Variants in KIF26B observed in about 807,000 individuals in gnomAD.
The protein encoded by KIF26B is kinesin-like protein KIF26B.
Under a neutral mutation model 151.2 loss-of-function variants are expected in KIF26B, and 63 were observed. The observed-to-expected ratio is 0.42, with a 90% CI of 0.34 to 0.51. The LOEUF is 0.51. KIF26B is among the 20% of genes least tolerant of loss of function. The pLI is 0.07. For synonymous variants in KIF26B, 1,357 were observed against 1,262.1 expected, an observed-to-expected ratio of 1.08 and a Z score of -1.59; for missense variants, 2,813 against 2,913.6, an observed-to-expected ratio of 0.97 and a Z score of 0.79.
At chr1:245,485,385 A>ATTTT (rs10672221) in intron 4 of KIF26B, among the ~76,000 whole-genome samples, 12 of 142,654 alleles carry the variant, frequency 8.4e-5, no homozygotes, top group Non-Finnish European at 1.2e-4. Flanking sequence ...TCCTAGCATC[A>ATTTT]TTTTTTTTTT....
intron 5 of KIF26B, among the ~76,000 whole-genome samples, chr1:245,547,884 C>A (rs561694816): frequency 2.0e-5 from 3 of 152,266 alleles, no homozygotes; most frequent in Middle Eastern, 3.4e-3. Flanking sequence ...TCCTGTAGCC[C>A]AGAGTCTCCT....
chr1:245,390,943 A>AAAAAAAAAAAAAAAAAACAAAACAAAAC (rs1553270131), intron 3 of KIF26B, among the ~76,000 whole-genome samples: 11 of 118,452 alleles, frequency 9.3e-5, no homozygotes, highest in African/African-American at 3.3e-4. Flanking sequence ...AAAAAAAAAA[A>AAAAAAAAAAAAAAAAAACAAAACAAAAC]AAAAAAAAAC....
chr1:245,337,437 C>T (rs1426287954), intron 2 of KIF26B, among the ~76,000 whole-genome samples: 1 of 151,968 alleles, frequency 6.6e-6, no homozygotes, highest in Non-Finnish European at 1.5e-5. Context: ...CCACCTCGGC[C>T]TCCCAAAGTG....
intron 2 of KIF26B, among the ~76,000 whole-genome samples, chr1:245,325,112 GA>G (rs1188471553): frequency 9.0e-4 from 111 of 123,060 alleles, no homozygotes; most frequent in Middle Eastern, 4.2e-3. Context: ...AAAAAAAAAA[GA>G]AAAAAAGAAA....
chr1:245,366,807 C>T (rs201989695), intron 2 of KIF26B, 27 bp from the exon 3 acceptor site: 1 of 1,606,676 alleles, frequency 6.2e-7, no homozygotes, highest in Non-Finnish European at 8.5e-7. Flanking sequence ...ATAGAATCTC[C>T]TCTCCCTCTG....
chr1:245,195,800 A>C (rs1669181964), intron 2 of KIF26B, among the ~76,000 whole-genome samples: 3 of 152,256 alleles, frequency 2.0e-5, no homozygotes, highest in Non-Finnish European at 1.5e-5. Flanking sequence ...TACAGCACAC[A>C]GTACCTCTGA....
chr1:245,662,516 T>C (rs935999751), intron 10 of KIF26B, among the ~76,000 whole-genome samples: 9 of 148,252 alleles, frequency 6.1e-5, no homozygotes. Flanking sequence ...CAATGATATA[T>C]ATACACACAC....
At chr1:245,156,246 C>A in intron 1 of KIF26B, 36 bp from the exon 2 acceptor site, 1 of 1,538,116 alleles carries the variant, frequency 6.5e-7, no homozygotes, top group South Asian at 1.2e-5. Flanking sequence ...AGCCCGCCGC[C>A]TTGCAGCCCC....
chr1:245,663,152 C>G (rs888045569), intron 10 of KIF26B, among the ~76,000 whole-genome samples: 1 of 151,938 alleles, frequency 6.6e-6, no homozygotes, highest in African/African-American at 2.4e-5. Flanking sequence ...GGTCCCCTGT[C>G]GTGTTTGGGG....
At chr1:245,301,351 A>G (rs1433481039) in intron 2 of KIF26B, among the ~76,000 whole-genome samples, 2 of 152,136 alleles carry the variant, frequency 1.3e-5, no homozygotes, top group Non-Finnish European at 2.9e-5. Context: ...TTTCTGTCCA[A>G]CTTTCATTTC....
chr1:245,642,486 A>G (rs76862439), intron 9 of KIF26B, among the ~76,000 whole-genome samples: 10,547 of 146,762 alleles, frequency 0.072, 396 homozygotes, highest in South Asian at 0.14. Flanking sequence ...GCATGAACCC[A>G]GGAGGCAGAG....
At chr1:245,652,893 C>A (rs555205691) in intron 10 of KIF26B, among the ~76,000 whole-genome samples, 1 of 152,178 alleles carries the variant, frequency 6.6e-6, no homozygotes, top group Non-Finnish European at 1.5e-5. Context: ...CGTAATGGCA[C>A]ATGATGGTCT....
rs1427387730 is a variant in KIF26B, at chr1:245,532,448, T to C, written c.1167-8319T>C. ...TTTTGGTAGAGACGGGGTTTCATCG[T>C]GTTAGCCAGGATGGTCTCGATCTCC... is the stretch of plus-strand genomic sequence containing the variant. On this transcript the variant is annotated intron_variant, in intron 4 of 14. Transcript: ENST00000407071. Among the ~76,000 whole-genome samples the C allele has an allele frequency of 2.0e-5, 3 of 152,038 alleles. No homozygotes were observed. In the East Asian group the frequency reaches 5.8e-4, roughly 30 times the overall value.
chr1:245,190,916 C>T (rs6428900), intron 2 of KIF26B, among the ~76,000 whole-genome samples: 24,753 of 149,864 alleles, frequency 0.17, 2,469 homozygotes, highest in African/African-American at 0.28. Context: ...AAAAATTAGC[C>T]GGTGTGGTGG....
At chr1:245,539,909 T>C (rs1026170754) in intron 4 of KIF26B, among the ~76,000 whole-genome samples, 3 of 152,166 alleles carry the variant, frequency 2.0e-5, no homozygotes, top group Non-Finnish European at 4.4e-5. Flanking sequence ...TGCCTCGGCC[T>C]CCCAAAGTGC....
chr1:245,237,056 C>T (rs1670123263), intron 2 of KIF26B, among the ~76,000 whole-genome samples: 1 of 152,230 alleles, frequency 6.6e-6, no homozygotes, highest in African/African-American at 2.4e-5. Context: ...AATTTGTCTG[C>T]AATGAAGATC....
At position 245,268,001 on chromosome 1, in the gene KIF26B, G is replaced by A. The variant is rs12026894; in HGVS notation, c.466-98833G>A. 5.5e-3 allele frequency among the ~76,000 whole-genome samples: 840 copies of A among 152,136 alleles called. 9 individuals are homozygous for A. In the East Asian group the frequency reaches 0.069, roughly 12 times the overall value. Reference sequence around the variant, plus strand: ...ATCACCAGGAAGATCCTTAAAGACTGGCAATAAAGACAGGAATTTCAGGAG... The same window carrying A: ...ATCACCAGGAAGATCCTTAAAGACTAGCAATAAAGACAGGAATTTCAGGAG... On this transcript the variant is annotated intron_variant, in intron 2 of 14. Transcript: ENST00000407071.
chr1:245,404,701 A>G (rs1054986100), intron 3 of KIF26B, among the ~76,000 whole-genome samples: 48 of 152,222 alleles, frequency 3.2e-4, no homozygotes, highest in African/African-American at 1.1e-3. Flanking sequence ...CAACAGGGGA[A>G]AAAAGCAGAA....
At chr1:245,451,343 C>T (rs572604206) in intron 4 of KIF26B, among the ~76,000 whole-genome samples, 116 of 152,052 alleles carry the variant, frequency 7.6e-4, no homozygotes, top group Admixed American at 1.6e-3. Context: ...TCCCTTTACC[C>T]AATAATTACT....
Sources: allele counts gnomAD v4.1 joint callset (sites outside exome capture counted in the v4.1 genomes callset), GRCh38; gene constraint gnomAD v4.1.1; transcripts MANE v1.5; gene names NCBI Gene and HGNC (gene_info 2026-07-23, HGNC 2026-07-21).